The following LFNG variants were observed in gnomAD, a reference collection of about 807,000 sequenced individuals.
LFNG encodes the protein LFNG O-fucosylpeptide 3-beta-N-acetylglucosaminyltransferase, also known as beta-1,3-N-acetylglucosaminyltransferase lunatic fringe.
Under a neutral mutation model 32.7 loss-of-function variants are expected in LFNG, and 15 were observed. The observed-to-expected ratio is 0.46, with a 90% CI of 0.31 to 0.71. LFNG has a LOEUF of 0.71. LFNG is among the 30% of genes least tolerant of loss of function. The pLI is 0.06. For synonymous variants in LFNG, 274 were observed against 246.8 expected (o/e 1.11, Z -1.03); for missense variants, 520 against 545.7 (o/e 0.95, Z 0.47).
In LFNG at chr7:2,519,827, C is replaced by A; in HGVS notation, c.-35C>A. ...TTCGGGTCGGTGCAAGGCAGGCGCA[C>A]GGGGAAGGGCGCGCCGCGCGGCCGC... is the stretch of plus-strand genomic sequence containing the variant. On this transcript the variant is annotated 5_prime_UTR_variant, in exon 1 of 8. Coordinates refer to ENST00000222725, the MANE Select transcript of LFNG (RefSeq NM_001040167.2). 7.5e-6 allele frequency: 8 copies of A among 1,064,370 alleles called. No homozygotes were observed. The highest frequency in any genetic ancestry group is 9.1e-6 in the Non-Finnish European group (8 of 880,264). The allele number at this position is 1,064,370 out of a possible 1,614,324, so 65.9% of individuals were successfully genotyped here.
At chr7:2,524,293 C>G (rs1779876933) in intron 1 of LFNG, among the ~76,000 whole-genome samples, 1 of 152,226 alleles carries the variant, frequency 6.6e-6, no homozygotes, top group Non-Finnish European at 1.5e-5. Flanking sequence ...CAGCAGCCTC[C>G]AAGTGGCAGG....
At chr7:2,524,568 G>A (rs1309211981) in intron 1 of LFNG, 127 bp from the exon 2 acceptor site, 11 of 874,348 alleles carry the variant, frequency 1.3e-5, no homozygotes, top group Non-Finnish European at 5.6e-6. Context: ...AAGGCCCGGA[G>A]AAGGGTGGGT....
At chr7:2,521,216 G>C (rs1468474282) in intron 1 of LFNG, among the ~76,000 whole-genome samples, 1 of 152,136 alleles carries the variant, frequency 6.6e-6, no homozygotes, top group Non-Finnish European at 1.5e-5. Flanking sequence ...GAGGTCATGA[G>C]GGCGACGGGG....
Position 2,528,335 on chromosome 7 carries a change from G to T in LFNG, c.*1123G>T. 1.0e-6 allele frequency: 1 copy of T among 986,176 alleles called. No individual in the cohort carries two copies. The highest frequency in any genetic ancestry group is 5.2e-4 in the Middle Eastern group (1 of 1,914). 61.1% of individuals were successfully genotyped at this position (986,176 alleles called of 1,614,324 possible). On this transcript the variant is annotated 3_prime_UTR_variant, in exon 8 of 8. Coordinates refer to ENST00000222725, the MANE Select transcript of LFNG (RefSeq NM_001040167.2). The stretch of plus-strand genomic sequence containing the variant: ...TTTCTCTTTGCAAAGACATAGCTAG[G>T]AAAGCGAATGATAAGGGAAAAGTTC...
chr7:2,527,536 C>T lies in LFNG; in HGVS notation c.*324C>T. ...CTGTTAGGATTTTTGGATCTTTCTA[C>T]AGCTACGGGGCTCCGGGCTACTTTG... On this transcript the variant is annotated 3_prime_UTR_variant, in exon 8 of 8. Transcript: ENST00000222725. The surrounding 1 kb of genome is among the most constrained non-coding windows in gnomAD (Gnocchi z 4.4). The T allele has an allele frequency of 7.7e-7, 1 of 1,295,136 alleles. No homozygotes were observed. The highest frequency in any genetic ancestry group is 9.9e-7 in the Non-Finnish European group (1 of 1,010,394). 80.2% of individuals were successfully genotyped at this position (1,295,136 alleles called of 1,614,324 possible). A position where few individuals can be genotyped will look rare whatever the true frequency, so the allele number is the denominator to read the frequency against.
chr7:2,517,966 T>G, upstream of LFNG: 1 of 1,109,048 alleles, frequency 9.0e-7, no homozygotes, highest in Non-Finnish European at 1.1e-6. Context: ...GTGGGTGGGA[T>G]GGGGGTGGAG....
At position 2,526,343 on chromosome 7, in the gene LFNG, C is replaced by A; in HGVS notation, c.921C>A (p.Arg307=). The part of the protein sequence containing the change: ...VEALLGVPLI[R]SGLFHSHLEN... Reference sequence around the variant, plus strand: ...CCCTGCTGGGTGTGCCCCTCATCCGCAGCGGCCTCTTCCACTCCCACCTGG... The same window carrying A: ...CCCTGCTGGGTGTGCCCCTCATCCGAAGCGGCCTCTTCCACTCCCACCTGG... Residue 307 remains arginine (R), a synonymous_variant, in exon 6 of 8, where the codon CGC becomes CGA. Transcript: ENST00000222725. This position sits in a 1 kb window ranked among gnomAD's most constrained non-coding sequence, Gnocchi z 6.9. The A allele has an allele frequency of 6.2e-7, 1 of 1,612,462 alleles. No individual in the cohort carries two copies. The highest frequency in any genetic ancestry group is 8.5e-7 in the Non-Finnish European group (1 of 1,179,962).
In LFNG at chr7:2,527,541, A is replaced by C. The variant is rs1434315943; in HGVS notation, c.*329A>C. On this transcript the variant is annotated 3_prime_UTR_variant, in exon 8 of 8. Coordinates refer to ENST00000222725, the MANE Select transcript of LFNG (RefSeq NM_001040167.2). This position sits in a 1 kb window ranked among gnomAD's most constrained non-coding sequence, Gnocchi z 4.4. ...AGGATTTTTGGATCTTTCTACAGCT[A>C]CGGGGCTCCGGGCTACTTTGCAGGG... The C allele has an allele frequency of 1.5e-5, 19 of 1,281,354 alleles. No homozygotes were observed. The highest frequency in any genetic ancestry group is 3.9e-5 in the East Asian group (1 of 25,864). 79.4% of individuals were successfully genotyped at this position (1,281,354 alleles called of 1,614,324 possible). A position where few individuals can be genotyped will look rare whatever the true frequency, so the allele number is the denominator to read the frequency against.
In LFNG at chr7:2,528,311, T is replaced by C; in HGVS notation, c.*1099T>C. The C allele has an allele frequency of 1.0e-6, 1 of 986,192 alleles. No homozygotes were observed. The highest frequency in any genetic ancestry group is 1.2e-6 in the Non-Finnish European group (1 of 830,020). 61.1% of individuals were successfully genotyped at this position (986,192 alleles called of 1,614,324 possible). A position where few individuals can be genotyped will look rare whatever the true frequency, so the allele number is the denominator to read the frequency against. On this transcript the variant is annotated 3_prime_UTR_variant, in exon 8 of 8. Coordinates refer to ENST00000222725, the MANE Select transcript of LFNG (RefSeq NM_001040167.2). ...CCGTGGGCTGTGTTTCTTGTTGTTTTTCTCTTTGCAAAGACATAGCTAGGA... is the reference window on the plus strand; with the variant it reads ...CCGTGGGCTGTGTTTCTTGTTGTTTCTCTCTTTGCAAAGACATAGCTAGGA...
chr7:2,524,453 T>C (rs1779886110), intron 1 of LFNG, among the ~76,000 whole-genome samples: 1 of 152,020 alleles, frequency 6.6e-6, no homozygotes, highest in East Asian at 1.9e-4. Flanking sequence ...GGTTGGGGAG[T>C]GAGGCCCCCA....
intron 1 of LFNG, among the ~76,000 whole-genome samples, chr7:2,523,296 C>T (rs886543316): frequency 2.0e-5 from 3 of 152,142 alleles, no homozygotes; most frequent in African/African-American, 7.2e-5. Context: ...ATGGGTGCTG[C>T]AGGAGGGGTG....
Position 2,526,518 on chromosome 7 carries a change from G to C in LFNG, c.987+109G>C. ...GCACTGTTCTAAACAGGGAGGCCAG[G>C]CAGCACTCCACTGTCAGCCAGGGGG... On this transcript the variant is annotated intron_variant, in intron 6 of 7. Coordinates refer to ENST00000222725, the MANE Select transcript of LFNG (RefSeq NM_001040167.2). The surrounding 1 kb of genome is among the most constrained non-coding windows in gnomAD (Gnocchi z 6.9). 1 of 1,234,084 alleles carries C rather than the reference G, an allele frequency of 8.1e-7. No homozygotes were observed. Among genetic ancestry groups the C allele is most frequent in the Non-Finnish European group, 1.2e-6 (1 of 866,230 alleles). The allele number at this position is 1,234,084 out of a possible 1,614,324, so 76.4% of individuals were successfully genotyped here. A position where few individuals can be genotyped will look rare whatever the true frequency, so the allele number is the denominator to read the frequency against.
chr7:2,527,456 G>A lies in LFNG; in HGVS notation c.*244G>A. The A allele has an allele frequency of 7.1e-7, 1 of 1,418,008 alleles. No individual in the cohort carries two copies. Among genetic ancestry groups the A allele is most frequent in the East Asian group, 2.6e-5 (1 of 38,564 alleles). The allele number at this position is 1,418,008 out of a possible 1,614,324, so 87.8% of individuals were successfully genotyped here. On this transcript the variant is annotated 3_prime_UTR_variant, in exon 8 of 8. Transcript: ENST00000222725. The surrounding 1 kb of genome is among the most constrained non-coding windows in gnomAD (Gnocchi z 4.4). Reference sequence around the variant, plus strand: ...CCTCTGCTCCGAGGGCCAGTGGGCTGCAGGGCCTGCTTGGAGGAAGGATTT... The same window carrying A: ...CCTCTGCTCCGAGGGCCAGTGGGCTACAGGGCCTGCTTGGAGGAAGGATTT...
chr7:2,528,530 A>T (rs1780067177), downstream of LFNG: 1 of 552,402 alleles, frequency 1.8e-6, no homozygotes, highest in Admixed American at 6.0e-5. Context: ...CCTTGGGTGC[A>T]CCGCATGGAG....
upstream of LFNG, among the ~76,000 whole-genome samples, chr7:2,514,796 ATTCATCTGTCGGTCTG>A (rs1331503548): frequency 1.4e-5 from 2 of 146,906 alleles, no homozygotes; most frequent in African/African-American, 2.6e-5. Context: ...CCATCCATCC[ATTCATCTGTCGGTCTG>A]TCTGTCCATC....
intron 1 of LFNG, among the ~76,000 whole-genome samples, chr7:2,521,779 C>T (rs1779799718): frequency 6.6e-6 from 1 of 152,232 alleles, no homozygotes; most frequent in African/African-American, 2.4e-5. Context: ...AGACCTGGGG[C>T]CTCTCAGACC....
chr7:2,527,575 C>G lies in LFNG; in HGVS notation c.*363C>G, dbSNP rs1166693920. ...CGGGCTACTTTGCAGGGATGCGATGCGTAGGTGCCTTTCTCTTCCTGCTGA... is the reference window on the plus strand; with the variant it reads ...CGGGCTACTTTGCAGGGATGCGATGGGTAGGTGCCTTTCTCTTCCTGCTGA... On this transcript the variant is annotated 3_prime_UTR_variant, in exon 8 of 8. Coordinates refer to ENST00000222725, the MANE Select transcript of LFNG (RefSeq NM_001040167.2). The surrounding 1 kb of genome is among the most constrained non-coding windows in gnomAD (Gnocchi z 4.4). 3.3e-6 allele frequency: 4 copies of G among 1,217,526 alleles called. No homozygotes were observed. Among genetic ancestry groups the G allele is most frequent in the Non-Finnish European group, 4.2e-6 (4 of 962,260 alleles). 75.4% of individuals were successfully genotyped at this position (1,217,526 alleles called of 1,614,324 possible).
rs1779977655 is a variant in LFNG, at chr7:2,526,429, C to T, written c.987+20C>T. On this transcript the variant is annotated intron_variant, in intron 6 of 7. Coordinates refer to ENST00000222725, the MANE Select transcript of LFNG (RefSeq NM_001040167.2). This position sits in a 1 kb window ranked among gnomAD's most constrained non-coding sequence, Gnocchi z 6.9. ...GAGCAGGTGCACCATCCTCCGGGCC[C>T]CGCCAGGACTCCGAGAGCACAGGAA... 1 of 1,603,638 alleles carries T rather than the reference C, an allele frequency of 6.2e-7. No homozygotes were observed. The highest frequency in any genetic ancestry group is 8.5e-7 in the Non-Finnish European group (1 of 1,179,724).
downstream of LFNG, chr7:2,529,084 C>T (rs1384017876): frequency 2.3e-5 from 9 of 393,890 alleles, no homozygotes; most frequent in South Asian, 8.5e-5. This position sits in a 1 kb window ranked among gnomAD's most constrained non-coding sequence, Gnocchi z 4.2. Context: ...GGAGCAGTGC[C>T]GGAGCCCCCA....
Sources: gnomAD v4.1 joint callset for allele counts (sites outside exome capture counted in the v4.1 genomes callset) on GRCh38, gnomAD v4.1.1 for gene constraint, Gnocchi (gnomAD v3.1) non-coding constraint, MANE v1.5 for transcripts, NCBI Gene and HGNC (gene_info 2026-07-23, HGNC 2026-07-21) for gene names.